Variants in ACTN1 observed in about 807,000 individuals in gnomAD.
ACTN1 encodes the protein actinin alpha 1.
A neutral mutation model predicts 119.6 loss-of-function variants in ACTN1; 30 were observed. The ratio of observed to expected loss-of-function variants is 0.25; its 90% CI spans 0.19 to 0.34. ACTN1 has a LOEUF of 0.34. Ranked by LOEUF, ACTN1 falls within the 10% of genes least tolerant of loss-of-function variation. The probability of loss-of-function intolerance (pLI) is 1.00; values close to 1 mark genes in which losing one functional copy is unlikely to be tolerated. For missense variants in ACTN1, 764 were observed against 1,223.4 expected (o/e 0.62, Z 5.60); for synonymous variants, 429 against 472.6 (o/e 0.91, Z 1.20).
At position 68,878,622 on chromosome 14, in the gene ACTN1, C is replaced by A. The variant is rs1436169235; in HGVS notation, c.2362-99G>T. 6 of 1,574,716 alleles carry A rather than the reference C, an allele frequency of 3.8e-6. No individual in the cohort carries two copies. Among genetic ancestry groups the A allele is most frequent in the Non-Finnish European group, 5.2e-6 (6 of 1,160,558 alleles). ...GGAAGACAGGAACAGATGGCCAGAA[C>A]GGGGATGAGATTTATGGTTTTGGGG... On this transcript the variant is annotated intron_variant, in intron 19 of 21. Transcript: ENST00000394419. The surrounding 1 kb of genome is among the most constrained non-coding windows in gnomAD (Gnocchi z 4.4).
chr14:68,879,892 G>C lies in ACTN1; in HGVS notation c.2280+70C>G. ...CTTGCATGGCAGCCCACGTCCCGGG[G>C]AAGTGCCCTCCAGGGCCCTGGGGCA... is the stretch of plus-strand genomic sequence containing the variant. On this transcript the variant is annotated intron_variant, in intron 18 of 21. Transcript: ENST00000394419. The surrounding 1 kb of genome is among the most constrained non-coding windows in gnomAD (Gnocchi z 4.9). 6.4e-7 allele frequency: 1 copy of C among 1,568,294 alleles called. No individual in the cohort carries two copies. The highest frequency in any genetic ancestry group is 8.7e-7 in the Non-Finnish European group (1 of 1,151,922).
intron 1 of ACTN1, among the ~76,000 whole-genome samples, chr14:68,929,394 G>T (rs2035105406): frequency 6.6e-6 from 1 of 151,984 alleles, no homozygotes; most frequent in Non-Finnish European, 1.5e-5. Flanking sequence ...CCAGCGTGGT[G>T]GGGAGTGCTA....
intron 2 of ACTN1, among the ~76,000 whole-genome samples, chr14:68,922,821 C>T (rs2034722037): frequency 6.6e-6 from 1 of 152,220 alleles, no homozygotes; most frequent in South Asian, 2.1e-4. Context: ...GTTTGGAAAT[C>T]TGCATTTTGA....
At chr14:68,935,663 G>A (rs1053520864) in intron 1 of ACTN1, among the ~76,000 whole-genome samples, 1 of 152,286 alleles carries the variant, frequency 6.6e-6, no homozygotes. Flanking sequence ...TGGGATTACA[G>A]GCATGAGCCA....
At chr14:68,977,800 T>TCCCCCC (rs35512297) in intron 1 of ACTN1, 4 of 346,018 alleles carry the variant, frequency 1.2e-5, no homozygotes, top group South Asian at 8.4e-5. Context: ...CGCCATCCTG[T>TCCCCCC]CCCCCCCCCA....
chr14:68,877,498 GACA>G (rs2031038884), intron 20 of ACTN1: 3 of 478,038 alleles, frequency 6.3e-6, no homozygotes, highest in Non-Finnish European at 1.1e-5. Context: ...TAACTATAAT[GACA>G]ACAATGATTA....
At chr14:68,920,476 G>A (rs1042273802) in intron 3 of ACTN1, among the ~76,000 whole-genome samples, 3 of 152,170 alleles carry the variant, frequency 2.0e-5, no homozygotes, top group Non-Finnish European at 4.4e-5. Context: ...TAATCATTAA[G>A]GAAATGCTAA....
At chr14:68,952,116 C>G (rs1054128393) in intron 1 of ACTN1, among the ~76,000 whole-genome samples, 8 of 152,250 alleles carry the variant, frequency 5.3e-5, no homozygotes, top group Admixed American at 3.9e-4. Context: ...CAGTCTCCAG[C>G]TTTCCGGGCC....
At chr14:68,890,348 C>T (rs1465976181) in intron 10 of ACTN1, 62 bp from the exon 11 acceptor site, 7 of 1,576,164 alleles carry the variant, frequency 4.4e-6, no homozygotes, top group African/African-American at 4.1e-5. Flanking sequence ...GGTCCCCTAG[C>T]CCCCTAGACC....
chr14:68,884,986 G>A (rs1263143844), intron 12 of ACTN1, 103 bp from the exon 13 acceptor site: 3 of 949,130 alleles, frequency 3.2e-6, no homozygotes, highest in South Asian at 1.4e-5. Flanking sequence ...GTGCTGGGAA[G>A]AGCCAGGGGC....
At chr14:68,944,156 C>G (rs1269156359) in intron 1 of ACTN1, among the ~76,000 whole-genome samples, 1 of 152,184 alleles carries the variant, frequency 6.6e-6, no homozygotes, top group Non-Finnish European at 1.5e-5. Flanking sequence ...AATGGGCCAG[C>G]AGGTTTTTCT....
In ACTN1 at chr14:68,925,463, G is replaced by T; in HGVS notation, c.220+95C>A. 1.0e-6 allele frequency: 1 copy of T among 974,002 alleles called. No individual in the cohort carries two copies. Among genetic ancestry groups the T allele is most frequent in the South Asian group, 1.8e-5 (1 of 54,734 alleles). 60.3% of individuals were successfully genotyped at this position (974,002 alleles called of 1,614,324 possible). ...ATGTCATCCCCAACTTGTTTCAAGA[G>T]ACCAAAACCAGCTGCGCTCATAGGC... On this transcript the variant is annotated intron_variant, in intron 2 of 21. Transcript: ENST00000394419. This position sits in a 1 kb window ranked among gnomAD's most constrained non-coding sequence, Gnocchi z 4.3.
Position 68,879,890 on chromosome 14 carries a change from G to A in ACTN1, c.2280+72C>T. On this transcript the variant is annotated intron_variant, in intron 18 of 21. Transcript: ENST00000394419. This position sits in a 1 kb window ranked among gnomAD's most constrained non-coding sequence, Gnocchi z 4.9. Reference sequence around the variant, plus strand: ...CACTTGCATGGCAGCCCACGTCCCGGGGAAGTGCCCTCCAGGGCCCTGGGG... The same window carrying A: ...CACTTGCATGGCAGCCCACGTCCCGAGGAAGTGCCCTCCAGGGCCCTGGGG... The A allele has an allele frequency of 1.3e-6, 2 of 1,566,118 alleles. No individual in the cohort carries two copies. Among genetic ancestry groups the A allele is most frequent in the South Asian group, 1.2e-5 (1 of 85,958 alleles).
intron 1 of ACTN1, among the ~76,000 whole-genome samples, chr14:68,971,612 T>A (rs2036887984): frequency 6.6e-6 from 1 of 152,204 alleles, no homozygotes; most frequent in South Asian, 2.1e-4. Context: ...AGTGTCATCA[T>A]CCCACATATC....
chr14:68,884,957 G>T, intron 12 of ACTN1, 74 bp from the exon 13 acceptor site: 1 of 1,283,446 alleles, frequency 7.8e-7, no homozygotes, highest in Non-Finnish European at 1.1e-6. Flanking sequence ...CTCTGAGGCT[G>T]TCAGTGGGGT....
chr14:68,966,838 C>CTCT (rs1455311493), intron 1 of ACTN1, among the ~76,000 whole-genome samples: 1 of 152,200 alleles, frequency 6.6e-6, no homozygotes, highest in Non-Finnish European at 1.5e-5. Flanking sequence ...ACAAAAGGAC[C>CTCT]AGAAATTCCC....
Position 68,921,120 on chromosome 14 carries a change from GT to G in ACTN1, c.225del (p.Glu75AspfsTer11). On this transcript the variant is annotated frameshift_variant, in exon 3 of 22. Transcript: ENST00000394419. LOFTEE classifies it high-confidence loss of function. ...TTGCCTCGCTCTGGCTTGGCCAAGCGTTCACCTGTTTGGATCAAGAGGGAGG... is the reference window on the plus strand; with the variant it reads ...TTGCCTCGCTCTGGCTTGGCCAAGCGTCACCTGTTTGGATCAAGAGGGAGG... ...LMLLLEVISG[E>X]RLAKPERGKM... 1 of 1,614,066 alleles carries G rather than the reference GT, an allele frequency of 6.2e-7. No homozygotes were observed. Among genetic ancestry groups the G allele is most frequent in the Non-Finnish European group, 8.5e-7 (1 of 1,179,946 alleles).
chr14:68,968,290 C>T (rs564381362), intron 1 of ACTN1, among the ~76,000 whole-genome samples: 34 of 152,326 alleles, frequency 2.2e-4, no homozygotes, highest in African/African-American at 4.3e-4. Context: ...GGCAGGAAGC[C>T]GGGTTCAGTC....
At chr14:68,875,782 C>G (rs1194724023) in intron 21 of ACTN1, among the ~76,000 whole-genome samples, 1 of 152,236 alleles carries the variant, frequency 6.6e-6, no homozygotes, top group Admixed American at 6.5e-5. Flanking sequence ...AGGCCCCTAG[C>G]TGGGCCCTAG....
Sources: gnomAD v4.1 joint callset for allele counts (sites outside exome capture counted in the v4.1 genomes callset) on GRCh38, gnomAD v4.1.1 for gene constraint, Gnocchi (gnomAD v3.1) non-coding constraint, MANE v1.5 for transcripts, NCBI Gene and HGNC (gene_info 2026-07-23, HGNC 2026-07-21) for gene names.